Variants in SMURF1 observed in about 807,000 individuals in gnomAD.
SMURF1 encodes SMAD specific E3 ubiquitin protein ligase 1.
SMURF1 carries 44 observed loss-of-function variants against 98.0 expected under a neutral mutation model. That is an observed-to-expected ratio of 0.45 (90% CI 0.35 to 0.58). SMURF1 has a LOEUF of 0.58. SMURF1 is among the 20% of genes least tolerant of loss of function. SMURF1 has a pLI of 0.00. For synonymous variants in SMURF1, 396 were observed against 374.9 expected (o/e 1.06, Z -0.65); for missense variants, 687 against 938.4 (o/e 0.73, Z 3.50).
At chr7:99,109,373 A>G (rs1370683717) in intron 1 of SMURF1, among the ~76,000 whole-genome samples, 2 of 152,168 alleles carry the variant, frequency 1.3e-5, no homozygotes, top group African/African-American at 4.8e-5. Flanking sequence ...CGCTGACCAG[A>G]TGGGAGCCCT....
At chr7:99,038,643 G>T in intron 13 of SMURF1, 118 bp from the exon 14 acceptor site, 3 of 1,237,200 alleles carry the variant, frequency 2.4e-6, no homozygotes, top group Non-Finnish European at 2.2e-6. Flanking sequence ...ACAGCCTCGG[G>T]CAGACACAGA....
intron 1 of SMURF1, among the ~76,000 whole-genome samples, chr7:99,087,437 G>A (rs1240688251): frequency 6.6e-6 from 1 of 152,220 alleles, no homozygotes; most frequent in East Asian, 1.9e-4. Context: ...TTACAGAAGT[G>A]GCATTTGCTT....
intron 1 of SMURF1, among the ~76,000 whole-genome samples, chr7:99,128,159 T>C (rs73399283): frequency 0.063 from 9,650 of 152,234 alleles, 969 homozygotes; most frequent in African/African-American, 0.21. Flanking sequence ...TACAAAATTA[T>C]ACTCAACACC....
In SMURF1 at chr7:99,027,925, G is replaced by A. The variant is rs1348002959; in HGVS notation, c.*2659C>T. ...CTCAGGGGTCGAAATTCGATCTGGTGGCAGATTCTCTTTTCAGAACTTGAG... is the reference window on the plus strand; with the variant it reads ...CTCAGGGGTCGAAATTCGATCTGGTAGCAGATTCTCTTTTCAGAACTTGAG... On this transcript the variant is annotated 3_prime_UTR_variant, in exon 18 of 18. Transcript: ENST00000361368. 1 of 152,662 alleles carries A rather than the reference G, an allele frequency of 6.6e-6. No individual in the cohort carries two copies. Among genetic ancestry groups the A allele is most frequent in the Non-Finnish European group, 1.5e-5 (1 of 68,042 alleles). The allele number at this position is 152,662 out of a possible 1,614,324, so 9.5% of individuals were successfully genotyped here.
At chr7:99,035,331 C>T in intron 16 of SMURF1, 184 bp downstream of exon 16, 1 of 764,522 alleles carries the variant, frequency 1.3e-6, no homozygotes, top group Non-Finnish European at 2.1e-6. Context: ...GGCCCCACAC[C>T]TGCTCACACA....
chr7:99,121,223 A>G (rs976033659), intron 1 of SMURF1: 2 of 68,412 alleles, frequency 2.9e-5, no homozygotes, highest in African/African-American at 6.9e-5. Flanking sequence ...TAAGAGTCAA[A>G]GCAAAAAAAA....
In SMURF1 at chr7:99,052,191, A is replaced by AC; in HGVS notation, c.721+13_721+14insG. 1 of 1,529,288 alleles carries AC rather than the reference A, an allele frequency of 6.5e-7. No homozygotes were observed. Among genetic ancestry groups the AC allele is most frequent in the Non-Finnish European group, 8.8e-7 (1 of 1,136,656 alleles). 94.7% of individuals were successfully genotyped at this position (1,529,288 alleles called of 1,614,324 possible). On this transcript the variant is annotated intron_variant, in intron 7 of 17. Transcript: ENST00000361368. ...GGCAGATGGCATTGGCCACAGCAGG[A>AC]TACATTCTCTCACCGTAGCCTTCGG...
At chr7:99,062,618 G>A (rs1201506094) in intron 1 of SMURF1, among the ~76,000 whole-genome samples, 4 of 152,164 alleles carry the variant, frequency 2.6e-5, no homozygotes. Flanking sequence ...GGAGGCTGAG[G>A]TGGGCAGATC....
chr7:99,122,096 A>C (rs567604786), intron 1 of SMURF1, among the ~76,000 whole-genome samples: 1 of 152,250 alleles, frequency 6.6e-6, no homozygotes, highest in South Asian at 2.1e-4. Flanking sequence ...TGGGAGGCTG[A>C]GGCTGGTGGA....
intron 1 of SMURF1, among the ~76,000 whole-genome samples, chr7:99,131,852 C>T (rs1228082058): frequency 6.6e-6 from 1 of 152,014 alleles, no homozygotes; most frequent in Non-Finnish European, 1.5e-5. Flanking sequence ...GTAGGGTGAG[C>T]AAAAGAAGGC....
In SMURF1 at chr7:99,049,726, TACAG is replaced by T; in HGVS notation, c.807-21_807-18del. 6.2e-7 allele frequency: 1 copy of T among 1,609,764 alleles called. No individual in the cohort carries two copies. ...TTAAGGTCTCTACCAAAATGGAAGA[TACAG>T]AGAGGTTTGTCCAACTGAGTATGGA... On this transcript the variant is annotated intron_variant, in intron 8 of 17. Transcript: ENST00000361368.
chr7:99,141,296 C>T (rs1002618471), intron 1 of SMURF1, among the ~76,000 whole-genome samples: 6 of 152,248 alleles, frequency 3.9e-5, no homozygotes, highest in African/African-American at 1.4e-4. Context: ...AATATACATA[C>T]ACCAGACATA....
At chr7:99,128,616 C>G (rs539424626) in intron 1 of SMURF1, among the ~76,000 whole-genome samples, 18 of 152,320 alleles carry the variant, frequency 1.2e-4, no homozygotes, top group African/African-American at 3.6e-4. Context: ...ACCCTGTCCA[C>G]ATTTAAATTT....
intron 6 of SMURF1, among the ~76,000 whole-genome samples, chr7:99,054,314 T>C (rs1563007564): frequency 6.6e-6 from 1 of 151,960 alleles, no homozygotes; most frequent in Non-Finnish European, 1.5e-5. Context: ...GTTGTTTGTT[T>C]GTTTGTTTTT....
At chr7:99,120,529 C>A (rs1220260488) in intron 1 of SMURF1, 2 of 151,906 alleles carry the variant, frequency 1.3e-5, no homozygotes, top group Non-Finnish European at 2.9e-5. Context: ...ATGACAGAAG[C>A]TGCTACTGAT....
chr7:99,087,951 T>C lies in SMURF1; in HGVS notation c.56-26114A>G, dbSNP rs181611825. Among the ~76,000 whole-genome samples the C allele has an allele frequency of 8.4e-4, 127 of 151,950 alleles. 1 individual carries two copies. In the East Asian group the frequency reaches 0.02, roughly 25 times the overall value. On this transcript the variant is annotated intron_variant, in intron 1 of 17. Coordinates refer to ENST00000361368, the MANE Select transcript of SMURF1 (RefSeq NM_181349.3). Reference sequence around the variant, plus strand: ...CTCAGCATTATTTACTAAATGAAAATTTCTTTAAAAAAAAAAAGTATTTGG... The same window carrying C: ...CTCAGCATTATTTACTAAATGAAAACTTCTTTAAAAAAAAAAAGTATTTGG...
At chr7:99,063,108 AATAG>A (rs1405309470) in intron 1 of SMURF1, among the ~76,000 whole-genome samples, 2 of 149,674 alleles carry the variant, frequency 1.3e-5, no homozygotes, top group African/African-American at 2.5e-5. Context: ...GTGCTCACAT[AATAG>A]ATATTGTTCT....
At chr7:99,044,427 A>T (rs1434768440) in intron 11 of SMURF1, among the ~76,000 whole-genome samples, 1 of 152,268 alleles carries the variant, frequency 6.6e-6, no homozygotes, top group African/African-American at 2.4e-5. Flanking sequence ...TAATAATGTA[A>T]ACCGTATAAA....
intron 1 of SMURF1, among the ~76,000 whole-genome samples, chr7:99,112,934 A>C (rs1017151552): frequency 2.0e-5 from 3 of 152,180 alleles, no homozygotes; most frequent in African/African-American, 7.2e-5. Context: ...AGTCATGAGA[A>C]TAGATAAACC....
Sources: gnomAD v4.1 joint callset for allele counts (sites outside exome capture counted in the v4.1 genomes callset) on GRCh38, gnomAD v4.1.1 for gene constraint, MANE v1.5 for transcripts, NCBI Gene and HGNC (gene_info 2026-07-23, HGNC 2026-07-21) for gene names.